Variants in MRPL30 observed in about 807,000 individuals in gnomAD.
The protein encoded by MRPL30 is large ribosomal subunit protein uL30m.
MRPL30 carries 10 observed loss-of-function variants against 17.2 expected under a neutral mutation model. The observed-to-expected ratio is 0.58, with a 90% CI of 0.36 to 0.99. MRPL30 has a LOEUF of 0.99. Ranked by LOEUF, MRPL30 falls within the 50% of genes least tolerant of loss-of-function variation. The probability of loss-of-function intolerance (pLI) is 0.01; values close to 1 mark genes in which losing one functional copy is unlikely to be tolerated. For synonymous variants in MRPL30, 61 were observed against 62.1 expected, an observed-to-expected ratio of 0.98 and a Z score of 0.08; for missense variants, 170 against 189.8, an observed-to-expected ratio of 0.90 and a Z score of 0.61.
intron 1 of MRPL30, among the ~76,000 whole-genome samples, chr2:99,184,667 T>G (rs2093931092): frequency 6.6e-6 from 1 of 152,190 alleles, no homozygotes; most frequent in African/African-American, 2.4e-5. Context: ...TTTGTTGAGA[T>G]CTAAGTGATC....
At position 99,186,359 on chromosome 2, in the gene MRPL30, GTCTC is replaced by G. The variant is rs1319656441; in HGVS notation, c.51+111_51+114del. On this transcript the variant is annotated intron_variant, in intron 2 of 5. Coordinates refer to ENST00000338148, the MANE Select transcript of MRPL30 (RefSeq NM_145212.4). Reference sequence around the variant, plus strand: ...CTTTTTTTTATTTTTTTGAGACGAAGTCTCTCTCTGTCACCCAGGCTGGAGTGCA... The same window carrying G: ...CTTTTTTTTATTTTTTTGAGACGAAGTCTCTGTCACCCAGGCTGGAGTGCA... 6.4e-5 allele frequency: 62 copies of G among 975,170 alleles called. No individual in the cohort carries two copies. In the East Asian group the frequency reaches 1.3e-3, roughly 20 times the overall value. The allele number at this position is 975,170 out of a possible 1,614,324, so 60.4% of individuals were successfully genotyped here.
Position 99,197,762 on chromosome 2 carries a change from T to G in MRPL30, c.*2057T>G, listed in dbSNP as rs2093957281. 6.3e-6 allele frequency: 1 copy of G among 158,246 alleles called. No individual in the cohort carries two copies. Among genetic ancestry groups the G allele is most frequent in the African/African-American group, 2.4e-5 (1 of 41,556 alleles). 9.8% of individuals were successfully genotyped at this position (158,246 alleles called of 1,614,324 possible). A position where few individuals can be genotyped will look rare whatever the true frequency, so the allele number is the denominator to read the frequency against. Reference sequence around the variant, plus strand: ...CTCAAGTGATCCTCCCACCTCAGCCTCCTGAGCAGCTAGGACTACAGATAC... The same window carrying G: ...CTCAAGTGATCCTCCCACCTCAGCCGCCTGAGCAGCTAGGACTACAGATAC... On this transcript the variant is annotated 3_prime_UTR_variant, in exon 6 of 6. Coordinates refer to ENST00000338148, the MANE Select transcript of MRPL30 (RefSeq NM_145212.4).
At chr2:99,192,153 G>A (rs1314706889) in intron 3 of MRPL30, among the ~76,000 whole-genome samples, 1 of 152,108 alleles carries the variant, frequency 6.6e-6, no homozygotes, top group East Asian at 1.9e-4. Flanking sequence ...CAGTAATGAG[G>A]AGGAAAGAGT....
At chr2:99,183,299 GT>G in intron 1 of MRPL30, among the ~76,000 whole-genome samples, 1 of 152,254 alleles carries the variant, frequency 6.6e-6, no homozygotes, top group East Asian at 1.9e-4. Flanking sequence ...GTTGGGGGTG[GT>G]GGCCCATGCT....
rs10865030 is a variant in MRPL30 at position 99,188,179 on chromosome 2, T to A, written c.54T>A (p.Thr18=). 1 of 1,586,098 alleles carries A rather than the reference T, an allele frequency of 6.3e-7. No homozygotes were observed. ...VVQWPPGRLQ[T]VTKGVESLIC... is the part of the protein sequence containing the mutation. ...AAATGATTTATATCATATTTTAGAC[T>A]GTGACAAAAGGTGTGGAGTCTCTTA... The change falls in exon 3 of 6, where the codon ACT becomes ACA. Residue 18 remains threonine (T), a splice_region_variant and synonymous_variant. Coordinates refer to ENST00000338148, the MANE Select transcript of MRPL30 (RefSeq NM_145212.4).
chr2:99,193,082 A>G (rs1203412779), intron 3 of MRPL30, among the ~76,000 whole-genome samples: 1 of 152,232 alleles, frequency 6.6e-6, no homozygotes, highest in Non-Finnish European at 1.5e-5. Flanking sequence ...TACCCATCTG[A>G]CAAAGGTCTA....
chr2:99,193,592 C>T (rs12053372), intron 3 of MRPL30, among the ~76,000 whole-genome samples: 30,678 of 152,044 alleles, frequency 0.2, 3,433 homozygotes, highest in Admixed American at 0.29. Context: ...AGATGATGCA[C>T]ATAACAGCTT....
In MRPL30 at chr2:99,198,958, A is replaced by G. The variant is rs1394382960; in HGVS notation, c.*3253A>G. 1.3e-5 allele frequency among the ~76,000 whole-genome samples: 2 copies of G among 151,572 alleles called. No homozygotes were observed. The highest frequency in any genetic ancestry group is 4.9e-5 in the African/African-American group (2 of 41,236). On this transcript the variant is annotated 3_prime_UTR_variant, in exon 6 of 6. Transcript: ENST00000338148. ...CTATTTTCTTCATTTTTTTTTTCTC[A>G]TAAGAATGCTAGCTAGTATGCCTAT...
intron 5 of MRPL30, 98 bp downstream of exon 5, chr2:99,195,287 A>G: frequency 8.5e-7 from 1 of 1,171,010 alleles, no homozygotes. Context: ...AAAACTTTTT[A>G]AAAAACTAAA....
intron 1 of MRPL30, among the ~76,000 whole-genome samples, chr2:99,183,312 G>T (rs1471116105): frequency 6.6e-6 from 1 of 152,162 alleles, no homozygotes; most frequent in Non-Finnish European, 1.5e-5. Context: ...GCCCATGCTT[G>T]TAACCCCAGC....
In MRPL30 at chr2:99,196,406, TCCTCCCACCTCAG is replaced by T. The variant is rs1488735057; in HGVS notation, c.*707_*719del. On this transcript the variant is annotated 3_prime_UTR_variant, in exon 6 of 6. Coordinates refer to ENST00000338148, the MANE Select transcript of MRPL30 (RefSeq NM_145212.4). ...GCCTCGACCTCCCAGGCTCAAGTGA[TCCTCCCACCTCAG>T]CCTCCAGAGTAGCTAGGACTACAGG... is the stretch of plus-strand genomic sequence containing the variant. 6.6e-6 allele frequency: 1 copy of T among 152,318 alleles called. No homozygotes were observed. Among genetic ancestry groups the T allele is most frequent in the African/African-American group, 2.4e-5 (1 of 41,424 alleles). 9.4% of individuals were successfully genotyped at this position (152,318 alleles called of 1,614,324 possible). A position where few individuals can be genotyped will look rare whatever the true frequency, so the allele number is the denominator to read the frequency against.
chr2:99,189,334 C>CT (rs2093940042), intron 3 of MRPL30, among the ~76,000 whole-genome samples: 1 of 152,178 alleles, frequency 6.6e-6, no homozygotes. Flanking sequence ...AAGCACTGAT[C>CT]TTTTTATTAT....
At chr2:99,183,414 C>T (rs1479459374) in intron 1 of MRPL30, among the ~76,000 whole-genome samples, 1 of 151,952 alleles carries the variant, frequency 6.6e-6, no homozygotes, top group Non-Finnish European at 1.5e-5. Flanking sequence ...ACTAAAAATA[C>T]AAAAATTAGC....
At chr2:99,182,382 C>T (rs1236865764) in intron 1 of MRPL30, among the ~76,000 whole-genome samples, 2 of 152,150 alleles carry the variant, frequency 1.3e-5, no homozygotes, top group Non-Finnish European at 2.9e-5. Flanking sequence ...GGTGAAACCC[C>T]GTCTCTACTA....
Position 99,196,870 on chromosome 2 carries a change from C to G in MRPL30, c.*1165C>G, listed in dbSNP as rs1240668890. 6.6e-6 allele frequency: 1 copy of G among 152,204 alleles called. No homozygotes were observed. Among genetic ancestry groups the G allele is most frequent in the African/African-American group, 2.4e-5 (1 of 41,448 alleles). The allele number at this position is 152,204 out of a possible 1,614,324, so 9.4% of individuals were successfully genotyped here. ...ATCCCTAAACTTAGTACCAAACCAGCATTTAATATCTAATTATAAATCTAA... is the reference window on the plus strand; with the variant it reads ...ATCCCTAAACTTAGTACCAAACCAGGATTTAATATCTAATTATAAATCTAA... On this transcript the variant is annotated 3_prime_UTR_variant, in exon 6 of 6. Transcript: ENST00000338148.
intron 3 of MRPL30, 110 bp from the exon 4 acceptor site, chr2:99,194,641 T>C (rs934763217): frequency 2.1e-5 from 18 of 877,594 alleles, no homozygotes; most frequent in Non-Finnish European, 3.0e-5. Context: ...TGATTAAGGA[T>C]GAGGTAATTA....
At chr2:99,188,687 C>T (rs2093938592) in intron 3 of MRPL30, among the ~76,000 whole-genome samples, 1 of 152,076 alleles carries the variant, frequency 6.6e-6, no homozygotes, top group Admixed American at 6.6e-5. Flanking sequence ...ATTGACTAAG[C>T]CCGCCATTGA....
chr2:99,195,206 C>T lies in MRPL30; in HGVS notation c.353+17C>T. 1 of 1,586,056 alleles carries T rather than the reference C, an allele frequency of 6.3e-7. No individual in the cohort carries two copies. Among genetic ancestry groups the T allele is most frequent in the Non-Finnish European group, 8.6e-7 (1 of 1,160,526 alleles). The stretch of plus-strand genomic sequence containing the variant: ...TTTGATAAGGTTTGTTGTTTCTTCT[C>T]AGCTCTTTTTAAAATGTATTGCCTA... On this transcript the variant is annotated intron_variant, in intron 5 of 5. Coordinates refer to ENST00000338148, the MANE Select transcript of MRPL30 (RefSeq NM_145212.4).
chr2:99,195,717 C>A lies in MRPL30; in HGVS notation c.*12C>A. ...CACATGAGTCCTAATGCCCCAGCAG[C>A]TTCCGATTGGAAAATGCAAATTGTT... On this transcript the variant is annotated 3_prime_UTR_variant, in exon 6 of 6. Transcript: ENST00000338148. 6.2e-7 allele frequency: 1 copy of A among 1,608,320 alleles called. No homozygotes were observed. Among genetic ancestry groups the A allele is most frequent in the Non-Finnish European group, 8.5e-7 (1 of 1,178,554 alleles).
Sources: allele counts gnomAD v4.1 joint callset (sites outside exome capture counted in the v4.1 genomes callset), GRCh38; gene constraint gnomAD v4.1.1; transcripts MANE v1.5; gene names NCBI Gene and HGNC (gene_info 2026-07-23, HGNC 2026-07-21).